ATP11C: variants seen among roughly 807,000 people sequenced by gnomAD.
ATP11C encodes phospholipid-transporting ATPase IG.
In ATP11C, 36 loss-of-function variants were observed where a neutral mutation model predicts 97.4. The observed-to-expected ratio is 0.37, with a 90% CI of 0.28 to 0.49. The LOEUF is 0.49. ATP11C is among the 20% of genes least tolerant of loss of function. The pLI, the probability that ATP11C is intolerant of heterozygous loss-of-function variation, is 0.98. For synonymous variants in ATP11C, 275 were observed against 290.9 expected, an observed-to-expected ratio of 0.95 and a Z score of 0.56; for missense variants, 730 against 824.6, an observed-to-expected ratio of 0.89 and a Z score of 1.40.
At chrX:139,852,649 G>A (rs758969204) in intron 1 of ATP11C, among the ~76,000 whole-genome samples, 2 of 109,638 alleles carry the variant, frequency 1.8e-5, no homozygotes, top group African/African-American at 3.3e-5. Context: ...CCCTGCTTAC[G>A]GTGTTGTGTG....
intron 1 of ATP11C, among the ~76,000 whole-genome samples, chrX:139,851,520 G>C (rs1338801942): frequency 8.9e-6 from 1 of 112,021 alleles, no homozygotes; most frequent in Non-Finnish European, 1.9e-5. Flanking sequence ...AGCACAGAGA[G>C]TCCTCAATAG....
At chrX:139,877,678 A>T (rs1464595675) in intron 1 of ATP11C, among the ~76,000 whole-genome samples, 1 of 112,436 alleles carries the variant, frequency 8.9e-6, no homozygotes, top group Non-Finnish European at 1.9e-5. Context: ...GCAAAAGTCC[A>T]CTGTTGGCTA....
At chrX:139,853,327 A>T (rs915992524) in intron 1 of ATP11C, among the ~76,000 whole-genome samples, 3 of 108,140 alleles carry the variant, frequency 2.8e-5, no homozygotes, top group African/African-American at 1.0e-4. Flanking sequence ...AGAGAAAAAG[A>T]GAGAGGGGAA....
chrX:139,842,535 T>C lies in ATP11C; in HGVS notation c.28-15712A>G, dbSNP rs189211388. 2.7e-3 allele frequency among the ~76,000 whole-genome samples: 301 copies of C among 112,650 alleles called. 4 individuals are homozygous for C. Among genetic ancestry groups the C allele is most frequent in the Non-Finnish European group, 3.3e-3 (178 of 53,362 alleles). On this transcript the variant is annotated intron_variant, in intron 1 of 29. Coordinates refer to ENST00000682941, the MANE Select transcript of ATP11C (RefSeq NM_001353812.2). ...GTATCAATTCCTGCAATAGGCAAGTTTACAATCTCATAGAGTTGACAGGAA... is the reference window on the plus strand; with the variant it reads ...GTATCAATTCCTGCAATAGGCAAGTCTACAATCTCATAGAGTTGACAGGAA...
chrX:139,789,545 T>C, intron 12 of ATP11C, 57 bp from the exon 13 acceptor site: 7 of 987,387 alleles, frequency 7.1e-6, no homozygotes, highest in Non-Finnish European at 9.6e-6. Flanking sequence ...TAATTTTTAG[T>C]TTGCTGTAAC....
intron 1 of ATP11C, among the ~76,000 whole-genome samples, chrX:139,911,324 AAGT>A (rs2085070993): frequency 8.9e-6 from 1 of 112,070 alleles, no homozygotes; most frequent in African/African-American, 3.2e-5. Flanking sequence ...GGAAATAAAC[AAGT>A]AGATAAGGAG....
At chrX:139,851,657 G>T (rs1448922637) in intron 1 of ATP11C, among the ~76,000 whole-genome samples, 1 of 111,967 alleles carries the variant, frequency 8.9e-6, no homozygotes, top group East Asian at 2.8e-4. Context: ...GTTACTGAGT[G>T]CACTGAACCC....
chrX:139,771,735 G>C (rs950436105), intron 19 of ATP11C, among the ~76,000 whole-genome samples: 7 of 111,473 alleles, frequency 6.3e-5, no homozygotes, highest in African/African-American at 2.0e-4. Context: ...GTGGAAGTTT[G>C]AACTTGAGAG....
intron 1 of ATP11C, among the ~76,000 whole-genome samples, chrX:139,844,791 G>A (rs1343468100): frequency 9.0e-6 from 1 of 111,610 alleles, no homozygotes; most frequent in Non-Finnish European, 1.9e-5. Flanking sequence ...AAATTAGGAA[G>A]CTTATCTTAC....
intron 1 of ATP11C, among the ~76,000 whole-genome samples, chrX:139,843,933 T>G (rs761181044): frequency 9.2e-6 from 1 of 108,832 alleles, no homozygotes; most frequent in Non-Finnish European, 1.9e-5. Flanking sequence ...AAAACTGATG[T>G]CCATGGAAAA....
chrX:139,837,208 T>C (rs899623288), intron 1 of ATP11C, among the ~76,000 whole-genome samples: 7 of 112,150 alleles, frequency 6.2e-5, no homozygotes, highest in Non-Finnish European at 1.3e-4. Context: ...AGAAGTTCTA[T>C]TCAAGTGTAT....
intron 27 of ATP11C, among the ~76,000 whole-genome samples, chrX:139,738,494 A>C (rs929567843): frequency 2.7e-5 from 3 of 111,769 alleles, no homozygotes; most frequent in Non-Finnish European, 3.8e-5. Context: ...CATTTTTATA[A>C]CTCTCTCCCA....
chrX:139,768,462 G>T, intron 19 of ATP11C, 28 bp from the exon 20 acceptor site: 1 of 1,009,356 alleles, frequency 9.9e-7, no homozygotes, highest in Non-Finnish European at 1.3e-6. Context: ...TGCTATGTTT[G>T]GATTTATTAC....
chrX:139,761,671 A>G (rs1249364562), intron 22 of ATP11C, among the ~76,000 whole-genome samples: 3 of 111,525 alleles, frequency 2.7e-5, no homozygotes, highest in Non-Finnish European at 5.6e-5. Context: ...ACATGGATGT[A>G]TACATTTGGC....
intron 5 of ATP11C, among the ~76,000 whole-genome samples, chrX:139,806,537 T>C (rs1446703831): frequency 5.4e-5 from 6 of 111,553 alleles, no homozygotes; most frequent in Non-Finnish European, 1.9e-5. Context: ...AAGGAAGAGA[T>C]GGCTACCATG....
intron 1 of ATP11C, among the ~76,000 whole-genome samples, chrX:139,875,125 C>T (rs769767392): frequency 2.7e-5 from 3 of 111,145 alleles, no homozygotes; most frequent in Admixed American, 1.9e-4. Context: ...AATAAAATTG[C>T]ACAAATTTAG....
intron 6 of ATP11C, among the ~76,000 whole-genome samples, chrX:139,803,634 G>GT (rs760686901): frequency 8.4e-5 from 8 of 95,040 alleles, no homozygotes; most frequent in Non-Finnish European, 1.3e-4. Context: ...TACATAAAAT[G>GT]TTGCTTTATA....
chrX:139,742,873 AAAAAT>A (rs1229157223), intron 26 of ATP11C, among the ~76,000 whole-genome samples: 8 of 26,377 alleles, frequency 3.0e-4, no homozygotes, highest in African/African-American at 8.2e-4. Flanking sequence ...TTAAAAAAAA[AAAAAT>A]ATATATATAT....
At chrX:139,900,367 CAAAAAAA>C (rs34007097) in intron 1 of ATP11C, among the ~76,000 whole-genome samples, 3 of 36,868 alleles carry the variant, frequency 8.1e-5, no homozygotes, top group African/African-American at 1.1e-4. Flanking sequence ...GACTCCGTCT[CAAAAAAA>C]AAAAAAAAAA....
Sources: gnomAD v4.1 joint callset for allele counts (sites outside exome capture counted in the v4.1 genomes callset) on GRCh38, gnomAD v4.1.1 for gene constraint, MANE v1.5 for transcripts, NCBI Gene and HGNC (gene_info 2026-07-23, HGNC 2026-07-21) for gene names.